NCKAP5: variants seen among roughly 807,000 people sequenced by gnomAD.
The protein encoded by NCKAP5 is nck-associated protein 5.
In NCKAP5, 92 loss-of-function variants were observed where a neutral mutation model predicts 167.0. The observed-to-expected ratio is 0.55, with a 90% confidence interval of 0.47 to 0.66. NCKAP5 has a LOEUF of 0.66. Ranked by LOEUF, NCKAP5 falls within the 30% of genes least tolerant of loss-of-function variation. The pLI, the probability that NCKAP5 is intolerant of heterozygous loss-of-function variation, is 0.00. For synonymous variants in NCKAP5, 891 were observed against 877.4 expected (o/e 1.02, Z -0.27); for missense variants, 2,378 against 2,315.0 (o/e 1.03, Z -0.56).
chr2:133,547,470 G>A (rs368755479), intron 2 of NCKAP5, among the ~76,000 whole-genome samples: 5 of 151,750 alleles, frequency 3.3e-5, no homozygotes, highest in East Asian at 2.0e-4. Flanking sequence ...GCAGACTTAA[G>A]TGTCCCTGTC....
At chr2:133,178,171 G>A (rs959619677) in intron 5 of NCKAP5, among the ~76,000 whole-genome samples, 2 of 152,074 alleles carry the variant, frequency 1.3e-5, no homozygotes, top group African/African-American at 2.4e-5. Context: ...TACTGGAGAC[G>A]TAGCAATAGA....
intron 15 of NCKAP5, among the ~76,000 whole-genome samples, chr2:132,778,586 T>C (rs1682750995): frequency 6.6e-6 from 1 of 152,166 alleles, no homozygotes; most frequent in Admixed American, 6.5e-5. Context: ...TGGTTTTATT[T>C]AGAAAAAGAG....
At chr2:133,367,695 T>C (rs541823431) in intron 3 of NCKAP5, among the ~76,000 whole-genome samples, 293 of 152,220 alleles carry the variant, frequency 1.9e-3, no homozygotes, top group Admixed American at 4.6e-3. Context: ...CTAGCAAACA[T>C]GGAGGCAGCA....
At chr2:132,932,985 A>C (rs538689237) in intron 8 of NCKAP5, among the ~76,000 whole-genome samples, 5 of 136,512 alleles carry the variant, frequency 3.7e-5, no homozygotes, top group South Asian at 4.5e-4. Context: ...AGTGCAGTGG[A>C]ACGATCTCGG....
chr2:132,889,798 A>G (rs112754207), intron 8 of NCKAP5, among the ~76,000 whole-genome samples: 1 of 152,226 alleles, frequency 6.6e-6, no homozygotes, highest in Non-Finnish European at 1.5e-5. Flanking sequence ...ACACTATCTA[A>G]TACCCACTGC....
intron 5 of NCKAP5, 62 bp downstream of exon 5, chr2:133,213,654 G>A (rs1336385971): frequency 6.5e-7 from 1 of 1,545,716 alleles, no homozygotes; most frequent in Non-Finnish European, 8.9e-7. Context: ...ATGAGGCAAA[G>A]TAGCTTTCAA....
chr2:133,480,665 C>A (rs73003107), intron 3 of NCKAP5, among the ~76,000 whole-genome samples: 1 of 152,130 alleles, frequency 6.6e-6, no homozygotes, highest in South Asian at 2.1e-4. Flanking sequence ...CCCTCAGTTG[C>A]CCACAGCCAT....
intron 4 of NCKAP5, among the ~76,000 whole-genome samples, chr2:133,287,070 G>A (rs1395835588): frequency 6.6e-6 from 1 of 152,082 alleles, no homozygotes; most frequent in Non-Finnish European, 1.5e-5. Flanking sequence ...ACCTTCCTCG[G>A]GATGGTAATA....
chr2:133,507,759 T>G (rs570697917), intron 3 of NCKAP5, among the ~76,000 whole-genome samples: 1 of 152,282 alleles, frequency 6.6e-6, no homozygotes, highest in African/African-American at 2.4e-5. Context: ...GAGGGCTGCA[T>G]GAAAACTGGC....
chr2:133,175,036 G>A (rs1574273413), intron 5 of NCKAP5, among the ~76,000 whole-genome samples: 1 of 152,296 alleles, frequency 6.6e-6, no homozygotes, highest in African/African-American at 2.4e-5. Context: ...AGAATGTGGT[G>A]TGATATTATT....
chr2:132,700,323 G>C (rs1687759157), intron 19 of NCKAP5, among the ~76,000 whole-genome samples: 1 of 152,258 alleles, frequency 6.6e-6, no homozygotes, highest in East Asian at 1.9e-4. Flanking sequence ...AAGCTCTTTA[G>C]TTTAATTAGA....
intron 3 of NCKAP5, among the ~76,000 whole-genome samples, chr2:133,469,315 C>G (rs1478012297): frequency 6.6e-6 from 1 of 151,832 alleles, no homozygotes; most frequent in Non-Finnish European, 1.5e-5. Flanking sequence ...AAATTCTTTT[C>G]TTTAAGAATG....
intron 3 of NCKAP5, among the ~76,000 whole-genome samples, chr2:133,399,268 G>A (rs763369667): frequency 6.6e-6 from 1 of 152,114 alleles, no homozygotes; most frequent in Non-Finnish European, 1.5e-5. Context: ...GGGACAGGAA[G>A]AGGGGTGGAA....
At chr2:133,583,410 AC>A in the NCKAP5 span, among the ~76,000 whole-genome samples, 4 of 151,994 alleles carry the variant, frequency 2.6e-5, no homozygotes, top group Admixed American at 2.6e-4. Context: ...GCTACCCATC[AC>A]CTGTTGCCTT....
At chr2:133,511,813 T>C (rs1276829909) in intron 3 of NCKAP5, among the ~76,000 whole-genome samples, 7 of 152,196 alleles carry the variant, frequency 4.6e-5, no homozygotes, top group African/African-American at 1.7e-4. Flanking sequence ...ATTTGGGAAA[T>C]CTCAAAACCA....
At chr2:132,796,199 G>T (rs1684591306) in intron 12 of NCKAP5, among the ~76,000 whole-genome samples, 1 of 152,080 alleles carries the variant, frequency 6.6e-6, no homozygotes, top group Admixed American at 6.5e-5. Context: ...AAAAAGCCAT[G>T]CTGGTTAAAG....
intron 4 of NCKAP5, among the ~76,000 whole-genome samples, chr2:133,237,563 C>G (rs997545440): frequency 1.3e-5 from 2 of 152,120 alleles, no homozygotes; most frequent in Admixed American, 6.5e-5. Flanking sequence ...TCAGAAATCC[C>G]CAGGAGAAGC....
chr2:133,083,167 C>T (rs1038158896), intron 6 of NCKAP5, among the ~76,000 whole-genome samples: 3 of 152,064 alleles, frequency 2.0e-5, no homozygotes, highest in South Asian at 2.1e-4. Context: ...TGCTCAGATT[C>T]GCTGTAAGAG....
rs11883655 is a variant in NCKAP5, at chr2:133,340,706, T to C, written c.70-37596A>G. Among the ~76,000 whole-genome samples the C allele has an allele frequency of 7.4e-3, 1,129 of 152,212 alleles. 17 individuals are homozygous for C. Among genetic ancestry groups the C allele is most frequent in the African/African-American group, 0.024 (992 of 41,524 alleles). On this transcript the variant is annotated intron_variant, in intron 3 of 19. Transcript: ENST00000409261. The stretch of plus-strand genomic sequence containing the variant: ...ACCTAACTTGGGTGGCATTAAATAA[T>C]AAAGGTAATAAGAGTTCAGAGATGG...
Sources: gnomAD v4.1 joint callset for allele counts (sites outside exome capture counted in the v4.1 genomes callset) on GRCh38, gnomAD v4.1.1 for gene constraint, MANE v1.5 for transcripts, NCBI Gene and HGNC (gene_info 2026-07-23, HGNC 2026-07-21) for gene names.